Variants in IGDCC4 observed in about 807,000 individuals in gnomAD.
IGDCC4 encodes immunoglobulin superfamily DCC subclass member 4.
IGDCC4 carries 72 observed loss-of-function variants against 116.6 expected under a neutral mutation model. The ratio of observed to expected loss-of-function variants is 0.62; its 90% confidence interval spans 0.51 to 0.75. The LOEUF is 0.75. Ranked by LOEUF, IGDCC4 falls within the 30% of genes least tolerant of loss-of-function variation. The pLI, the probability that IGDCC4 is intolerant of heterozygous loss-of-function variation, is 0.00. For missense variants in IGDCC4, 1,501 were observed against 1,662.4 expected (o/e 0.90, Z 1.69); for synonymous variants, 709 against 719.9 (o/e 0.98, Z 0.24).
chr15:65,391,918 G>A lies in IGDCC4; in HGVS notation c.2186C>T (p.Ala729Val), dbSNP rs1258961554. 1.2e-6 allele frequency: 2 copies of A among 1,613,734 alleles called. No homozygotes were observed. The highest frequency in any genetic ancestry group is 1.7e-5 in the Admixed American group (1 of 59,978). Reference protein sequence around the residue: ...AFNKHEDGYAAVWKGKTEKAP... With the variant: ...AFNKHEDGYAVVWKGKTEKAP... ...CTTCTCCGTCTTGCCCTTCCACACT[G>A]CTGCATAGCCATCCTCATGTTTGTT... Residue 729 changes from alanine to valine, a missense_variant, in exon 12 of 20, where the codon GCA becomes GTA. Ala to Val is a moderately conservative substitution (Grantham distance 64). Transcript: ENST00000352385.
intron 1 of IGDCC4, among the ~76,000 whole-genome samples, chr15:65,417,608 C>CG (rs1457313531): frequency 2.6e-5 from 4 of 152,004 alleles, no homozygotes; most frequent in African/African-American, 7.2e-5. Context: ...ATTTTTTTTG[C>CG]GGGGGGAGAC....
chr15:65,399,411 G>A (rs2062962470), intron 5 of IGDCC4, among the ~76,000 whole-genome samples: 1 of 138,824 alleles, frequency 7.2e-6, no homozygotes, highest in African/African-American at 2.7e-5. Flanking sequence ...GCAGTAAGCT[G>A]TGATTACACC....
In IGDCC4 at chr15:65,389,302, G is replaced by A. The variant is rs144033948; in HGVS notation, c.2518C>T (p.Arg840Cys). 11 of 1,613,642 alleles carry A rather than the reference G, an allele frequency of 6.8e-6. No homozygotes were observed. The highest frequency in any genetic ancestry group is 4.0e-5 in the African/African-American group (3 of 74,890). ...MDGPFGSVVE[R>C]STLPDRPSTP... Reference sequence around the variant, plus strand: ...CACTCACGGTCAGGCAGGGTGGAGCGCTCCACCACAGAGCCGAAAGGCCCA... The same window carrying A: ...CACTCACGGTCAGGCAGGGTGGAGCACTCCACCACAGAGCCGAAAGGCCCA... Residue 840 changes from arginine (R) to cysteine (C), a missense_variant, in exon 14 of 20, where the codon CGC becomes TGC. By Grantham distance (180) the Arg-to-Cys change is radical. This residue lies in a region of IGDCC4 where 235 missense variants were observed against 328.0 expected (regional missense o/e 0.72). Coordinates refer to ENST00000352385, the MANE Select transcript of IGDCC4 (RefSeq NM_020962.3).
chr15:65,413,843 G>C (rs540674654), intron 1 of IGDCC4, among the ~76,000 whole-genome samples: 1 of 152,242 alleles, frequency 6.6e-6, no homozygotes, highest in Non-Finnish European at 1.5e-5. Context: ...CTCGGTTCTA[G>C]ATCCAGCTCC....
Position 65,386,027 on chromosome 15 carries a change from G to A in IGDCC4, c.2984C>T (p.Thr995Ile), listed in dbSNP as rs1420709474. ...GGAGTACAGCGCGGGATTCCCGGGG[G>A]TGGCGGTGGAGGACAGGCCTGGGAG... ...ESLPGLSSTA[T>I]PGNPALYSRA... Residue 995 changes from threonine (T) to isoleucine (I), a missense_variant, in exon 18 of 20, where the codon ACC (threonine) becomes ATC (isoleucine). Coordinates refer to ENST00000352385, the MANE Select transcript of IGDCC4 (RefSeq NM_020962.3). The A allele has an allele frequency of 3.9e-6, 6 of 1,549,464 alleles. No individual in the cohort carries two copies. The highest frequency in any genetic ancestry group is 1.2e-5 in the South Asian group (1 of 83,262).
At chr15:65,392,026 T>C in intron 11 of IGDCC4, 45 bp from the exon 12 acceptor site, 1 of 1,561,352 alleles carries the variant, frequency 6.4e-7, no homozygotes, top group Non-Finnish European at 8.7e-7. Context: ...ACATCTGGGG[T>C]CACTCTCCCG....
intron 2 of IGDCC4, chr15:65,410,573 ACTT>A: frequency 1.8e-6 from 1 of 541,368 alleles, no homozygotes; most frequent in Non-Finnish European, 3.3e-6. Context: ...TAAGATGCAC[ACTT>A]CTTCTGGCCT....
At chr15:65,394,201 G>T (rs565154746) in intron 9 of IGDCC4, among the ~76,000 whole-genome samples, 1 of 151,986 alleles carries the variant, frequency 6.6e-6, no homozygotes, top group African/African-American at 2.4e-5. Flanking sequence ...TGGGGTGAGA[G>T]CCCAGGCCTC....
Position 65,422,781 on chromosome 15 carries a change from G to C in IGDCC4, c.70+12C>G, listed in dbSNP as rs1255823406. 2 of 1,329,528 alleles carry C rather than the reference G, an allele frequency of 1.5e-6. No homozygotes were observed. The highest frequency in any genetic ancestry group is 3.1e-5 in the African/African-American group (2 of 64,614). The allele number at this position is 1,329,528 out of a possible 1,614,324, so 82.4% of individuals were successfully genotyped here. A position where few individuals can be genotyped will look rare whatever the true frequency, so the allele number is the denominator to read the frequency against. ...CGCAGTCGCTCCTGCCTCTCCGGGCGCCCGCCCTTACCGCGCGCGGCCAAC... is the reference window on the plus strand; with the variant it reads ...CGCAGTCGCTCCTGCCTCTCCGGGCCCCCGCCCTTACCGCGCGCGGCCAAC... On this transcript the variant is annotated intron_variant, in intron 1 of 19. Transcript: ENST00000352385.
intron 5 of IGDCC4, among the ~76,000 whole-genome samples, 181 bp from the exon 6 acceptor site, chr15:65,397,170 A>T (rs892969755): frequency 6.6e-5 from 10 of 152,336 alleles, no homozygotes; most frequent in Admixed American, 4.6e-4. Context: ...GTAAGGGGGA[A>T]TTAGCCCTTA....
chr15:65,413,024 A>G (rs952190386), intron 1 of IGDCC4, among the ~76,000 whole-genome samples: 8 of 145,966 alleles, frequency 5.5e-5, no homozygotes, highest in East Asian at 2.0e-4. Context: ...GTGTGAGAAA[A>G]TGTGTGTGTG....
chr15:65,410,620 G>C, intron 2 of IGDCC4: 2 of 492,054 alleles, frequency 4.1e-6, no homozygotes, highest in South Asian at 4.7e-5. Context: ...TGCCTCCTGA[G>C]AGCCCCCTAA....
rs142796011 is a variant in IGDCC4, at chr15:65,388,902, G to T, written c.2613C>A (p.Pro871=). The stretch of plus-strand genomic sequence containing the variant: ...CCACGATCTCCCCGTTGGGCTCTGT[G>T]GGGGGGCACCAGTGCAGCCGAACCG... ...PSTVRLHWCP[P]TEPNGEIVEY... is the part of the protein sequence containing the mutation. Residue 871 remains proline, a synonymous_variant, in exon 15 of 20, where the codon CCC becomes CCA. Transcript: ENST00000352385. 47 of 1,613,620 alleles carry T rather than the reference G, an allele frequency of 2.9e-5. No homozygotes were observed. Among genetic ancestry groups the T allele is most frequent in the East Asian group, 1.3e-4 (6 of 44,864 alleles).
At chr15:65,415,158 C>A (rs1174062877) in intron 1 of IGDCC4, among the ~76,000 whole-genome samples, 1 of 152,196 alleles carries the variant, frequency 6.6e-6, no homozygotes, top group Admixed American at 6.5e-5. Context: ...CTTCCAAATG[C>A]CCATTCCAGC....
In IGDCC4 at chr15:65,388,911, C is replaced by G; in HGVS notation, c.2604G>C (p.Trp868Cys). The part of the protein sequence containing the change: ...PLTPSTVRLH[W>C]CPPTEPNGEI... ...CCCCGTTGGGCTCTGTGGGGGGGCA[C>G]CAGTGCAGCCGAACCGTGGACGGTG... is the stretch of plus-strand genomic sequence containing the variant. Residue 868 changes from tryptophan (W) to cysteine (C), a missense_variant, in exon 15 of 20, where the codon TGG becomes TGC. Around this residue, in one of 3 missense-constraint regions of IGDCC4, gnomAD observed 235 missense variants for 328.0 expected, o/e 0.72. Coordinates refer to ENST00000352385, the MANE Select transcript of IGDCC4 (RefSeq NM_020962.3). 6.2e-7 allele frequency: 1 copy of G among 1,613,644 alleles called. No individual in the cohort carries two copies. Among genetic ancestry groups the G allele is most frequent in the Non-Finnish European group, 8.5e-7 (1 of 1,179,916 alleles).
rs1419693048 is a variant in IGDCC4 at position 65,422,778 on chromosome 15, G to A, written c.70+15C>T. The A allele has an allele frequency of 2.9e-5, 38 of 1,332,110 alleles. No homozygotes were observed. The highest frequency in any genetic ancestry group is 3.1e-5 in the African/African-American group (2 of 64,680). The allele number at this position is 1,332,110 out of a possible 1,614,324, so 82.5% of individuals were successfully genotyped here. ...CTCCGCAGTCGCTCCTGCCTCTCCG[G>A]GCGCCCGCCCTTACCGCGCGCGGCC... On this transcript the variant is annotated intron_variant, in intron 1 of 19. Transcript: ENST00000352385.
chr15:65,397,098 C>G (rs981490366), intron 5 of IGDCC4, 109 bp from the exon 6 acceptor site: 8 of 1,335,992 alleles, frequency 6.0e-6, no homozygotes, highest in Non-Finnish European at 8.2e-6. Flanking sequence ...ACACAACCGT[C>G]CCTGGTCCGA....
chr15:65,406,058 A>G (rs1344405814), intron 3 of IGDCC4, among the ~76,000 whole-genome samples: 2 of 152,180 alleles, frequency 1.3e-5, no homozygotes, highest in African/African-American at 2.4e-5. Context: ...CCACTGGGAG[A>G]GGGTAGGGCC....
At position 65,388,841 on chromosome 15, in the gene IGDCC4, G is replaced by T; in HGVS notation, c.2674C>A (p.Pro892Thr). ...LILYSSNHTQ[P>T]EHQWTLLTTQ... ...GTGAGCAAGGTCCACTGGTGCTCAG[G>T]CTGCGTGTGGTTGCTGCTGTACAGG... The change falls in exon 15 of 20, where the codon CCT (proline) becomes ACT (threonine). Residue 892 changes from proline (P) to threonine (T), a missense_variant. Physicochemically the swap from Pro to Thr is conservative, Grantham distance 38. This residue lies in a region of IGDCC4 where 235 missense variants were observed against 328.0 expected (regional missense o/e 0.72). Coordinates refer to ENST00000352385, the MANE Select transcript of IGDCC4 (RefSeq NM_020962.3). The T allele has an allele frequency of 6.2e-7, 1 of 1,614,062 alleles. No homozygotes were observed. Among genetic ancestry groups the T allele is most frequent in the Non-Finnish European group, 8.5e-7 (1 of 1,180,042 alleles).
Sources: gnomAD v4.1 joint callset for allele counts (sites outside exome capture counted in the v4.1 genomes callset) on GRCh38, gnomAD v4.1.1 for gene constraint, gnomAD v4.1.1 regional missense constraint, MANE v1.5 for transcripts, NCBI Gene and HGNC (gene_info 2026-07-23, HGNC 2026-07-21) for gene names.